The following COG5 variants were observed in gnomAD, a reference collection of about 807,000 sequenced individuals.
COG5 encodes the protein conserved oligomeric Golgi complex subunit 5.
A neutral mutation model predicts 110.4 loss-of-function variants in COG5; 86 were observed. The ratio of observed to expected loss-of-function variants is 0.78; its 90% CI spans 0.65 to 0.93. COG5 has a LOEUF of 0.93. COG5 is among the 40% of genes least tolerant of loss of function. The pLI is 0.00. For synonymous variants in COG5, 360 were observed against 334.6 expected, an observed-to-expected ratio of 1.08 and a Z score of -0.83; for missense variants, 1,077 against 987.0, an observed-to-expected ratio of 1.09 and a Z score of -1.22.
chr7:107,293,964 C>T (rs1323881214), intron 12 of COG5, among the ~76,000 whole-genome samples: 5 of 151,804 alleles, frequency 3.3e-5, no homozygotes, highest in Admixed American at 2.6e-4. Flanking sequence ...CCCAGCTGCT[C>T]GGGAGGCTGA....
At chr7:107,520,904 G>C (rs747233696) in intron 6 of COG5, among the ~76,000 whole-genome samples, 2 of 152,068 alleles carry the variant, frequency 1.3e-5, no homozygotes, top group Admixed American at 1.3e-4. Flanking sequence ...ATACTACAAG[G>C]CTACAGTAAC....
rs944319892 is a variant in COG5 at position 107,296,441 on chromosome 7, C to T, written c.1313+1701G>A. 9.9e-5 allele frequency among the ~76,000 whole-genome samples: 15 copies of T among 151,976 alleles called. No homozygotes were observed. In the East Asian group the frequency reaches 2.7e-3, roughly 27 times the overall value. ...CATTAAATCTTTGCAGATCAACAGA[C>T]ATAGGTTCTGTTCTCTTTTGCCCTC... On this transcript the variant is annotated intron_variant, in intron 12 of 21. Coordinates refer to ENST00000297135, the MANE Select transcript of COG5 (RefSeq NM_006348.5).
At chr7:107,466,583 T>C (rs1272075168) in intron 6 of COG5, among the ~76,000 whole-genome samples, 1 of 152,228 alleles carries the variant, frequency 6.6e-6, no homozygotes, top group Non-Finnish European at 1.5e-5. Context: ...ACCAATGTTG[T>C]TGATTCTCTA....
In COG5 at chr7:107,266,624, C is replaced by T. The variant is rs73415437; in HGVS notation, c.1576-8241G>A. ...TTGTAAACTTTCTTGTTTAATAACT[C>T]GTAGGAATACGAGTTATTCCTAGGG... On this transcript the variant is annotated intron_variant, in intron 14 of 21. Transcript: ENST00000297135. Among the ~76,000 whole-genome samples, 7 of 152,142 alleles carry T rather than the reference C, an allele frequency of 4.6e-5. No individual in the cohort carries two copies. In the East Asian group the frequency reaches 5.8e-4, roughly 13 times the overall value.
At chr7:107,353,154 G>A (rs568707184) in intron 10 of COG5, among the ~76,000 whole-genome samples, 15 of 152,086 alleles carry the variant, frequency 9.9e-5, no homozygotes, top group East Asian at 7.7e-4. Context: ...GGCTGGGCGC[G>A]GTGGTTCACG....
At chr7:107,319,126 T>A (rs943279936) in intron 11 of COG5, among the ~76,000 whole-genome samples, 6 of 152,040 alleles carry the variant, frequency 3.9e-5, no homozygotes, top group Admixed American at 3.9e-4. Context: ...CAGGGTTAAA[T>A]CTGCATTTAA....
intron 10 of COG5, among the ~76,000 whole-genome samples, chr7:107,340,892 G>A (rs1811119611): frequency 6.6e-6 from 1 of 151,944 alleles, no homozygotes; most frequent in Non-Finnish European, 1.5e-5. Context: ...AACAATAAGA[G>A]CCATCTATGA....
rs568709776 is a variant in COG5 at position 107,321,190 on chromosome 7, A to G, written c.1108+3250T>C. Among the ~76,000 whole-genome samples, 15 of 152,336 alleles carry G rather than the reference A, an allele frequency of 9.8e-5. No homozygotes were observed. The South Asian group carries it at 2.9e-3, about 29-fold the overall frequency. ...CTCTATTTTAAAAATCAACAATTAT[A>G]AAGTAAAATGAAAAAATAACATATA... On this transcript the variant is annotated intron_variant, in intron 11 of 21. Transcript: ENST00000297135.
intron 6 of COG5, among the ~76,000 whole-genome samples, chr7:107,517,974 G>T (rs566418767): frequency 6.6e-6 from 1 of 152,126 alleles, no homozygotes; most frequent in Non-Finnish European, 1.5e-5. Context: ...GGGATTACAG[G>T]CATGAGTCAC....
At chr7:107,365,419 G>A (rs189417135) in intron 8 of COG5, among the ~76,000 whole-genome samples, 11 of 151,924 alleles carry the variant, frequency 7.2e-5, no homozygotes, top group Admixed American at 2.0e-4. Flanking sequence ...GCCAGTTGCT[G>A]TAGATAAGTC....
At chr7:107,281,181 C>T in intron 14 of COG5, 119 bp downstream of exon 14, 1 of 769,024 alleles carries the variant, frequency 1.3e-6, no homozygotes, top group Admixed American at 2.5e-5. Flanking sequence ...CAAACTTTCA[C>T]TACAGTAAAA....
chr7:107,367,484 A>G (rs1355920145), intron 8 of COG5, among the ~76,000 whole-genome samples: 3 of 152,072 alleles, frequency 2.0e-5, no homozygotes, highest in Non-Finnish European at 4.4e-5. Context: ...GTATATCACA[A>G]TGTAACTCAC....
At chr7:107,244,690 A>G (rs1049165875) in intron 17 of COG5, among the ~76,000 whole-genome samples, 1 of 152,208 alleles carries the variant, frequency 6.6e-6, no homozygotes, top group Non-Finnish European at 1.5e-5. Flanking sequence ...CAAAAAGTAG[A>G]AAACCTAGAA....
At chr7:107,432,563 G>T (rs757783179) in intron 6 of COG5, among the ~76,000 whole-genome samples, 2 of 152,152 alleles carry the variant, frequency 1.3e-5, no homozygotes, top group Non-Finnish European at 2.9e-5. Flanking sequence ...TCGTTTCAGT[G>T]TAAGAATATC....
chr7:107,403,242 G>A (rs554880062), intron 7 of COG5, among the ~76,000 whole-genome samples: 33 of 152,292 alleles, frequency 2.2e-4, no homozygotes, highest in African/African-American at 6.0e-4. Flanking sequence ...TGTTCTGGCT[G>A]CTGTAACAAA....
chr7:107,242,094 T>C (rs1218549454), intron 17 of COG5, among the ~76,000 whole-genome samples: 1 of 152,230 alleles, frequency 6.6e-6, no homozygotes, highest in African/African-American at 2.4e-5. Context: ...GATTGATCTT[T>C]TGACATTTCC....
chr7:107,277,905 A>G (rs562666778), intron 14 of COG5, among the ~76,000 whole-genome samples: 1 of 152,342 alleles, frequency 6.6e-6, no homozygotes, highest in African/African-American at 2.4e-5. Flanking sequence ...CAGATGTATT[A>G]TTATAAGTAT....
chr7:107,356,372 A>C (rs1000740088), intron 10 of COG5, among the ~76,000 whole-genome samples: 7 of 152,198 alleles, frequency 4.6e-5, no homozygotes, highest in Non-Finnish European at 1.0e-4. Context: ...CTATTAAATT[A>C]GCTTTCAGTG....
chr7:107,417,831 AT>A (rs1473295539), intron 6 of COG5, among the ~76,000 whole-genome samples: 1 of 152,096 alleles, frequency 6.6e-6, no homozygotes, highest in Non-Finnish European at 1.5e-5. Context: ...TTTCTAAATA[AT>A]TTTTGCTCCC....
Sources: allele counts gnomAD v4.1 joint callset (sites outside exome capture counted in the v4.1 genomes callset), GRCh38; gene constraint gnomAD v4.1.1; transcripts MANE v1.5; gene names NCBI Gene and HGNC (gene_info 2026-07-23, HGNC 2026-07-21).